RPL9: variants seen among roughly 807,000 people sequenced by gnomAD.
RPL9 encodes the protein large ribosomal subunit protein uL6.
For synonymous variants in RPL9, 82 were observed against 77.1 expected, an observed-to-expected ratio of 1.06 and a Z score of -0.33; for missense variants, 149 against 236.7, an observed-to-expected ratio of 0.63 and a Z score of 2.43.
chr4:39,456,009 G>A (rs1002114507), intron 5 of RPL9: 2 of 248,164 alleles, frequency 8.1e-6, no homozygotes, highest in South Asian at 4.4e-5. Context: ...AGAAATAAAT[G>A]GAGTGATGGA....
chr4:39,454,447 T>C lies in RPL9; in HGVS notation c.*10+86A>G, dbSNP rs143647638. 1,023 of 1,021,404 alleles carry C rather than the reference T, an allele frequency of 1.0e-3. 8 individuals are homozygous for C. In the African/African-American group the frequency reaches 0.016, roughly 16 times the overall value. 63.3% of individuals were successfully genotyped at this position (1,021,404 alleles called of 1,614,324 possible). A position where few individuals can be genotyped will look rare whatever the true frequency, so the allele number is the denominator to read the frequency against. ...TGCTTAACTCTCCATTTTCTATTAC[T>C]ACAAATTCAGTTTAAGTCTTTTAGT... On this transcript the variant is annotated intron_variant, in intron 7 of 7. Transcript: ENST00000295955.
chr4:39,458,868 C>A (rs1253798450), intron 1 of RPL9, 23 bp downstream of exon 1: 1 of 698,940 alleles, frequency 1.4e-6, no homozygotes, highest in East Asian at 2.7e-5. Context: ...CCAGTACCCC[C>A]ACGAGCACAG....
At chr4:39,456,191 T>C in intron 5 of RPL9, 1 of 580,770 alleles carries the variant, frequency 1.7e-6, no homozygotes, top group Non-Finnish European at 3.1e-6. Flanking sequence ...CTCCAATGTA[T>C]CAACTTTCTG....
chr4:39,454,441 TATTACTACAAATTC>T, intron 7 of RPL9, 78 bp downstream of exon 7: 1 of 961,912 alleles, frequency 1.0e-6, no homozygotes, highest in African/African-American at 1.7e-5. Context: ...CTCCATTTTC[TATTACTACAAATTC>T]AGTTTAAGTC....
At chr4:39,458,367 G>T (rs191123038) in intron 2 of RPL9, 27 bp downstream of exon 2, 20 of 1,613,956 alleles carry the variant, frequency 1.2e-5, no homozygotes, top group East Asian at 8.9e-5. Flanking sequence ...CAGTAAAGAT[G>T]TAAGTAAAAG....
At chr4:39,454,791 G>C (rs1484820539) in intron 6 of RPL9, 73 bp downstream of exon 6, 6 of 1,517,650 alleles carry the variant, frequency 4.0e-6, no homozygotes, top group Non-Finnish European at 5.4e-6. Context: ...ATAAAAATTA[G>C]CAAAATACTG....
intron 3 of RPL9, 112 bp from the exon 4 acceptor site, chr4:39,457,793 G>C: frequency 1.1e-6 from 1 of 936,400 alleles, no homozygotes; most frequent in Non-Finnish European, 1.7e-6. Flanking sequence ...CAAAGCACAT[G>C]GTTTTCAACT....
At chr4:39,458,471 C>G in intron 1 of RPL9, 31 bp from the exon 2 acceptor site, 1 of 1,611,366 alleles carries the variant, frequency 6.2e-7, no homozygotes, top group Non-Finnish European at 8.5e-7. Context: ...GTGAGGCCGA[C>G]GCAAGGCCCG....
intron 5 of RPL9, among the ~76,000 whole-genome samples, chr4:39,455,443 G>C (rs976710508): frequency 7.0e-6 from 1 of 143,360 alleles, no homozygotes; most frequent in Non-Finnish European, 1.5e-5. Context: ...AGCCAGGTAT[G>C]TTTTAAGAGG....
rs1254999235 is a variant in RPL9 at position 39,458,034 on chromosome 4, C to A, written c.162+160G>T. ...TTATATAATTGGCTGTGTTCAGAAT[C>A]TGGTTTTTCAATTTCACTGAACAGG... On this transcript the variant is annotated intron_variant, in intron 3 of 7. Coordinates refer to ENST00000295955, the MANE Select transcript of RPL9 (RefSeq NM_000661.5). 3 of 767,462 alleles carry A rather than the reference C, an allele frequency of 3.9e-6. No homozygotes were observed. The Admixed American group carries it at 6.0e-5, about 15-fold the overall frequency. The allele number at this position is 767,462 out of a possible 1,614,324, so 47.5% of individuals were successfully genotyped here. A position where few individuals can be genotyped will look rare whatever the true frequency, so the allele number is the denominator to read the frequency against.
chr4:39,457,834 A>C (rs1193878319), intron 3 of RPL9, 153 bp from the exon 4 acceptor site: 2 of 687,248 alleles, frequency 2.9e-6, no homozygotes, highest in African/African-American at 3.6e-5. Context: ...AAAACCTCCC[A>C]ACAGTTAAGC....
In RPL9 at chr4:39,454,656, G is replaced by C; in HGVS notation, c.473-7C>G. The C allele has an allele frequency of 6.2e-7, 1 of 1,608,772 alleles. No individual in the cohort carries two copies. Among genetic ancestry groups the C allele is most frequent in the South Asian group, 1.1e-5 (1 of 90,320 alleles). ...GCTTGCTGAATCAAAGCCGCTATAG[G>C]AGTGAAGATAAAGCAATTAATACAT... On this transcript the variant is annotated splice_polypyrimidine_tract_variant and splice_region_variant and intron_variant, in intron 6 of 7. Coordinates refer to ENST00000295955, the MANE Select transcript of RPL9 (RefSeq NM_000661.5).
At chr4:39,458,686 T>A in intron 1 of RPL9, 1 of 623,246 alleles carries the variant, frequency 1.6e-6, no homozygotes, top group Admixed American at 2.7e-5. Flanking sequence ...ATGCGGGCGG[T>A]GCCATCCCGG....
rs766787159 is a variant in RPL9 at position 39,458,371 on chromosome 4, G to A, written c.46+23C>T. On this transcript the variant is annotated intron_variant, in intron 2 of 7. Transcript: ENST00000295955. ...CTTGGAACGTGCAGTAAAGATGTAA[G>A]TAAAAGACATCAAGTCTCATACCAT... 1.4e-5 allele frequency: 22 copies of A among 1,614,022 alleles called. No homozygotes were observed. In the East Asian group the frequency reaches 2.0e-4, roughly 15 times the overall value.
intron 1 of RPL9, 96 bp downstream of exon 1, chr4:39,458,795 G>A (rs532250115): frequency 2.5e-5 from 17 of 685,286 alleles, no homozygotes; most frequent in African/African-American, 1.9e-4. Flanking sequence ...GGGACAAACA[G>A]GACAAGGTTC....
chr4:39,455,850 C>T lies in RPL9; in HGVS notation c.391+556G>A, dbSNP rs913567034. The stretch of plus-strand genomic sequence containing the variant: ...TTACGCATGCATTGTTGTTTTTCAA[C>T]TTTAACTCATTTAATCAAAGATGTT... On this transcript the variant is annotated intron_variant, in intron 5 of 7. Coordinates refer to ENST00000295955, the MANE Select transcript of RPL9 (RefSeq NM_000661.5). The T allele has an allele frequency of 1.7e-5, 3 of 178,350 alleles. No individual in the cohort carries two copies. The South Asian group carries it at 3.5e-4, about 21-fold the overall frequency. The allele number at this position is 178,350 out of a possible 1,614,324, so 11.0% of individuals were successfully genotyped here.
chr4:39,455,507 T>A (rs909696730), intron 5 of RPL9, among the ~76,000 whole-genome samples: 1 of 151,160 alleles, frequency 6.6e-6, no homozygotes, highest in Admixed American at 6.6e-5. Context: ...CTGGACAACA[T>A]AGCAAGACCC....
Position 39,457,684 on chromosome 4 carries a change from G to GT in RPL9, c.163-4dup, listed in dbSNP as rs1020531044. The GT allele has an allele frequency of 6.2e-7, 1 of 1,612,900 alleles. No individual in the cohort carries two copies. Among genetic ancestry groups the GT allele is most frequent in the Non-Finnish European group, 8.5e-7 (1 of 1,178,884 alleles). On this transcript the variant is annotated splice_region_variant and splice_polypyrimidine_tract_variant and intron_variant, in intron 3 of 7. Coordinates refer to ENST00000295955, the MANE Select transcript of RPL9 (RefSeq NM_000661.5). The stretch of plus-strand genomic sequence containing the variant: ...CCCCACCATTTGTCAACCCGGAGCT[G>GT]TAACAGAACAAAAAATGTATTCTTT...
At position 39,458,458 on chromosome 4, in the gene RPL9, G is replaced by A. The variant is rs942800305; in HGVS notation, c.-1-18C>T. 1 of 1,613,566 alleles carries A rather than the reference G, an allele frequency of 6.2e-7. No individual in the cohort carries two copies. The highest frequency in any genetic ancestry group is 1.3e-5 in the African/African-American group (1 of 74,906). On this transcript the variant is annotated intron_variant, in intron 1 of 7. Transcript: ENST00000295955. Reference sequence around the variant, plus strand: ...TCTTCATTCTGAAACACAAACACTGGGGGTGAGGCCGACGCAAGGCCCGTT... The same window carrying A: ...TCTTCATTCTGAAACACAAACACTGAGGGTGAGGCCGACGCAAGGCCCGTT...
Sources: allele counts gnomAD v4.1 joint callset (sites outside exome capture counted in the v4.1 genomes callset), GRCh38; gene constraint gnomAD v4.1.1; transcripts MANE v1.5; gene names NCBI Gene and HGNC (gene_info 2026-07-23, HGNC 2026-07-21).